PCLO: variants seen among roughly 807,000 people sequenced by gnomAD.
PCLO encodes piccolo presynaptic cytomatrix protein, also known as protein piccolo.
In PCLO, 82 loss-of-function variants were observed where a neutral mutation model predicts 427.5. The observed-to-expected ratio is 0.19, with a 90% confidence interval of 0.16 to 0.23. PCLO has a LOEUF of 0.23. Among genes scored for constraint, PCLO ranks in the 10% least tolerant of loss-of-function variants. The pLI is 1.00. For synonymous variants in PCLO, 2,357 were observed against 2,155.4 expected, an observed-to-expected ratio of 1.09 and a Z score of -2.59; for missense variants, 6,239 against 6,115.9, an observed-to-expected ratio of 1.02 and a Z score of -0.67.
In PCLO at chr7:82,906,040, T is replaced by C. The variant is rs557316404; in HGVS notation, c.13437+2837A>G. Among the ~76,000 whole-genome samples the C allele has an allele frequency of 5.9e-5, 9 of 151,700 alleles. No individual in the cohort carries two copies. In the East Asian group the frequency reaches 1.4e-3, roughly 23 times the overall value. On this transcript the variant is annotated intron_variant, in intron 8 of 24. Transcript: ENST00000333891. ...ATAGATAGATAGATAGATAGATAGA[T>C]AGATAGATAGATAGGTACACACACA... is the stretch of plus-strand genomic sequence containing the variant.
At chr7:82,997,670 G>T (rs1387617185) in intron 3 of PCLO, among the ~76,000 whole-genome samples, 1 of 151,896 alleles carries the variant, frequency 6.6e-6, no homozygotes, top group Non-Finnish European at 1.5e-5. Context: ...CCTCACCCTC[G>T]TATCAGTCAC....
chr7:82,832,138 A>C (rs1021440196), intron 16 of PCLO, among the ~76,000 whole-genome samples: 1 of 152,230 alleles, frequency 6.6e-6, no homozygotes, highest in Admixed American at 6.5e-5. Context: ...ATATCTAATA[A>C]TTAAAGAAGT....
chr7:82,785,195 G>A (rs1790959674), intron 22 of PCLO, among the ~76,000 whole-genome samples: 1 of 152,158 alleles, frequency 6.6e-6, no homozygotes, highest in Non-Finnish European at 1.5e-5. Flanking sequence ...GTGGGGGATG[G>A]TTTCAGGATG....
At chr7:83,108,193 C>T (rs1486767689) in intron 3 of PCLO, among the ~76,000 whole-genome samples, 2 of 151,996 alleles carry the variant, frequency 1.3e-5, no homozygotes, top group Non-Finnish European at 2.9e-5. Flanking sequence ...AATACATTGA[C>T]TTGAGAAAGA....
At position 83,155,845 on chromosome 7, in the gene PCLO, G is replaced by C. The variant is rs775698507; in HGVS notation, c.796C>G (p.Gln266Glu). The C allele has an allele frequency of 6.2e-7, 1 of 1,613,974 alleles. No homozygotes were observed. The highest frequency in any genetic ancestry group is 1.1e-5 in the South Asian group (1 of 91,084). The change falls in exon 2 of 25, where the codon CAG (glutamine) becomes GAG (glutamate). Residue 266 changes from glutamine (Q) to glutamate (E), a missense_variant. Gln to Glu is a conservative substitution (Grantham distance 29). Coordinates refer to ENST00000333891, the MANE Select transcript of PCLO (RefSeq NM_033026.6). ...KPIQGPTQTPQTDHAKLPLQR... is the reference protein window; with the variant it reads ...KPIQGPTQTPETDHAKLPLQR... ...AGTGGCAATTTTGCATGGTCTGTCT[G>C]AGGAGTCTGGGTAGGACCCTGAATT...
intron 20 of PCLO, among the ~76,000 whole-genome samples, chr7:82,817,199 T>A (rs1328758220): frequency 6.6e-6 from 1 of 152,192 alleles, no homozygotes; most frequent in Admixed American, 6.5e-5. Context: ...TATGCGCATG[T>A]CATTACAGTT....
chr7:82,944,041 G>T (rs1795144389), intron 6 of PCLO, among the ~76,000 whole-genome samples: 1 of 150,824 alleles, frequency 6.6e-6, no homozygotes, highest in Non-Finnish European at 1.5e-5. Context: ...CAGCTACTCG[G>T]GAGGCTGAGG....
intron 3 of PCLO, among the ~76,000 whole-genome samples, chr7:83,129,255 G>A (rs959129480): frequency 3.5e-4 from 53 of 152,204 alleles, no homozygotes; most frequent in African/African-American, 1.2e-3. Context: ...GCCTCACATA[G>A]GCCAAGTCAA....
chr7:83,023,014 T>G (rs1194450981), intron 3 of PCLO, among the ~76,000 whole-genome samples: 2 of 152,180 alleles, frequency 1.3e-5, no homozygotes, highest in East Asian at 1.9e-4. Flanking sequence ...AAATCTAAGA[T>G]AAATATCATC....
At chr7:83,048,719 T>G (rs1176407870) in intron 3 of PCLO, among the ~76,000 whole-genome samples, 1 of 152,152 alleles carries the variant, frequency 6.6e-6, no homozygotes, top group Admixed American at 6.6e-5. Context: ...GTGAGATTCA[T>G]CCTTTCCTTT....
intron 4 of PCLO, among the ~76,000 whole-genome samples, chr7:82,961,693 A>T (rs1290839621): frequency 1.3e-5 from 2 of 152,176 alleles, no homozygotes; most frequent in Admixed American, 6.5e-5. Context: ...AGTTGGTCAC[A>T]TGGTCTGTGA....
intron 14 of PCLO, among the ~76,000 whole-genome samples, chr7:82,838,883 A>C (rs2115763677): frequency 6.6e-6 from 1 of 152,076 alleles, no homozygotes; most frequent in African/African-American, 2.4e-5. Context: ...AAACCTATAG[A>C]TACCTTTCGG....
chr7:83,161,493 T>G (rs1392933690), intron 1 of PCLO, among the ~76,000 whole-genome samples: 1 of 152,184 alleles, frequency 6.6e-6, no homozygotes. Context: ...ACTAATCTAT[T>G]GGGATGAAGG....
chr7:83,138,586 G>C (rs1191789015), intron 2 of PCLO, among the ~76,000 whole-genome samples: 1 of 152,046 alleles, frequency 6.6e-6, no homozygotes, highest in Non-Finnish European at 1.5e-5. Context: ...GCTTAAACCT[G>C]GGAGGTGGAG....
chr7:82,789,433 C>T (rs937853581), intron 22 of PCLO, among the ~76,000 whole-genome samples: 1 of 152,154 alleles, frequency 6.6e-6, no homozygotes, highest in African/African-American at 2.4e-5. Flanking sequence ...TGGCCAGGCA[C>T]AGTGGCTCAT....
At chr7:82,978,818 A>C (rs1427429466) in intron 3 of PCLO, among the ~76,000 whole-genome samples, 1 of 148,782 alleles carries the variant, frequency 6.7e-6, no homozygotes, top group East Asian at 2.0e-4. Context: ...AAATGAACCA[A>C]AGCTCCAGGA....
At chr7:83,082,193 T>C (rs186512342) in intron 3 of PCLO, among the ~76,000 whole-genome samples, 87 of 151,586 alleles carry the variant, frequency 5.7e-4, no homozygotes, top group Non-Finnish European at 1.0e-3. Context: ...AATGATTTGT[T>C]AAAATATGCA....
chr7:82,806,619 G>A (rs1186842857), intron 20 of PCLO, among the ~76,000 whole-genome samples: 10 of 152,164 alleles, frequency 6.6e-5, no homozygotes, highest in Admixed American at 6.5e-4. Flanking sequence ...TTTTGCTGGG[G>A]AGAAGTTTCT....
At chr7:82,840,972 A>G (rs532056366) in intron 14 of PCLO, among the ~76,000 whole-genome samples, 103 of 151,096 alleles carry the variant, frequency 6.8e-4, no homozygotes, top group African/African-American at 2.3e-3. Flanking sequence ...ATTTTTCTTT[A>G]TCTATTTTTA....
Sources: allele counts gnomAD v4.1 joint callset (sites outside exome capture counted in the v4.1 genomes callset), GRCh38; gene constraint gnomAD v4.1.1; transcripts MANE v1.5; gene names NCBI Gene and HGNC (gene_info 2026-07-23, HGNC 2026-07-21).